Variants in LUC7L2 observed in about 807,000 individuals in gnomAD.
LUC7L2 encodes putative RNA-binding protein Luc7-like 2.
A neutral mutation model predicts 52.8 loss-of-function variants in LUC7L2; 25 were observed. The ratio of observed to expected loss-of-function variants is 0.47; its 90% CI spans 0.34 to 0.66. LUC7L2 has a LOEUF of 0.66. Ranked by LOEUF, LUC7L2 falls within the 30% of genes least tolerant of loss-of-function variation. The probability of loss-of-function intolerance (pLI) is 0.01; values close to 1 mark genes in which losing one functional copy is unlikely to be tolerated. For synonymous variants in LUC7L2, 144 were observed against 160.9 expected (o/e 0.89, Z 0.80); for missense variants, 328 against 497.8 (o/e 0.66, Z 3.25).
At chr7:139,344,198 A>T (rs1463422794) in intron 1 of LUC7L2, among the ~76,000 whole-genome samples, 2 of 152,174 alleles carry the variant, frequency 1.3e-5, no homozygotes, top group African/African-American at 2.4e-5. Flanking sequence ...TCTTAAAGTC[A>T]TGAGTCCAGA....
At chr7:139,341,239 C>A in intron 1 of LUC7L2, 1 of 1,386,212 alleles carries the variant, frequency 7.2e-7, no homozygotes, top group Non-Finnish European at 9.6e-7. Flanking sequence ...GTTCGGTCAA[C>A]GGACAAGTGA....
At chr7:139,414,487 G>C (rs1431884385) in intron 8 of LUC7L2, among the ~76,000 whole-genome samples, 1 of 152,252 alleles carries the variant, frequency 6.6e-6, no homozygotes, top group Non-Finnish European at 1.5e-5. Flanking sequence ...GACAAGCTTG[G>C]CATAGCCCAA....
rs79332087 is a variant in LUC7L2, at chr7:139,419,891, A to C, written c.1001+2162A>C. 6.1e-3 allele frequency among the ~76,000 whole-genome samples: 924 copies of C among 152,336 alleles called. 12 individuals are homozygous for C. The highest frequency in any genetic ancestry group is 0.021 in the African/African-American group (872 of 41,570). ...TTTAAAGCATCATTCTTTGTTTTATACTAAAAATTACCAGATAATTGCTGT... is the reference window on the plus strand; with the variant it reads ...TTTAAAGCATCATTCTTTGTTTTATCCTAAAAATTACCAGATAATTGCTGT... On this transcript the variant is annotated intron_variant, in intron 9 of 9. Transcript: ENST00000354926.
chr7:139,360,195 T>C lies in LUC7L2; in HGVS notation c.-67T>C. 1.6e-6 allele frequency: 2 copies of C among 1,282,522 alleles called. No individual in the cohort carries two copies. Among genetic ancestry groups the C allele is most frequent in the South Asian group, 2.6e-5 (2 of 77,684 alleles). 79.4% of individuals were successfully genotyped at this position (1,282,522 alleles called of 1,614,324 possible). Reference sequence around the variant, plus strand: ...CGCACCTTCCCCCATCCCTTCCCCTTATCCCCCAGCCCAAAAGGGCCCGGT... The same window carrying C: ...CGCACCTTCCCCCATCCCTTCCCCTCATCCCCCAGCCCAAAAGGGCCCGGT... On this transcript the variant is annotated 5_prime_UTR_variant, in exon 1 of 10. Coordinates refer to ENST00000354926, the MANE Select transcript of LUC7L2 (RefSeq NM_016019.5).
In LUC7L2 at chr7:139,417,605, C is replaced by T. The variant is rs1795680082; in HGVS notation, c.877C>T (p.Arg293Ter). ...GTCACGTGAACGCAAGAGGAGAACT[C>T]GATCCAAATCTCGGGAGAAACGCCA... Reference protein sequence around the residue: ...SMSRERKRRTRSKSREKRHRH... With the variant: ...SMSRERKRRT Residue 293 changes from arginine (R) to a stop codon, truncating the protein, a stop_gained, in exon 9 of 10, where the codon CGA becomes TGA. Coordinates refer to ENST00000354926, the MANE Select transcript of LUC7L2 (RefSeq NM_016019.5). LOFTEE classifies it high-confidence loss of function. The T allele has an allele frequency of 1.9e-6, 3 of 1,614,098 alleles. No individual in the cohort carries two copies. The highest frequency in any genetic ancestry group is 2.5e-6 in the Non-Finnish European group (3 of 1,180,028).
chr7:139,365,311 C>T (rs1330118438), intron 1 of LUC7L2, among the ~76,000 whole-genome samples: 2 of 152,166 alleles, frequency 1.3e-5, no homozygotes, highest in Non-Finnish European at 1.5e-5. Context: ...GCTTCTGAGA[C>T]ATTCTTTTAC....
chr7:139,396,927 T>G (rs1794687350), intron 2 of LUC7L2, among the ~76,000 whole-genome samples: 1 of 152,252 alleles, frequency 6.6e-6, no homozygotes, highest in East Asian at 1.9e-4. Context: ...TTATTTCTTT[T>G]AAATTTTATC....
chr7:139,356,076 G>A (rs1350610215), upstream of LUC7L2, among the ~76,000 whole-genome samples: 2 of 152,184 alleles, frequency 1.3e-5, no homozygotes, highest in Non-Finnish European at 2.9e-5. Context: ...GGAGGCTGAG[G>A]TGGGCAGATT....
intron 2 of LUC7L2, among the ~76,000 whole-genome samples, chr7:139,394,097 G>T (rs1255913951): frequency 6.6e-6 from 1 of 152,012 alleles, no homozygotes; most frequent in East Asian, 1.9e-4. Context: ...AAACACTTAA[G>T]AAGGTAAGGA....
intron 1 of LUC7L2, chr7:139,341,537 T>A: frequency 6.2e-7 from 1 of 1,607,404 alleles, no homozygotes; most frequent in Non-Finnish European, 8.5e-7. Flanking sequence ...GGGAGCCATG[T>A]CCCGGGTGCT....
At chr7:139,382,486 G>A (rs1022734448) in intron 2 of LUC7L2, among the ~76,000 whole-genome samples, 1 of 151,870 alleles carries the variant, frequency 6.6e-6, no homozygotes, top group South Asian at 2.1e-4. Flanking sequence ...GAGTTCGAGT[G>A]ATTTTCCTGC....
intron 1 of LUC7L2, chr7:139,341,581 G>C (rs1243490221): frequency 6.3e-7 from 1 of 1,581,842 alleles, no homozygotes; most frequent in East Asian, 2.3e-5. Context: ...AGCCGGGTCT[G>C]GGCTAGGGTG....
chr7:139,417,778 GTTGT>G (rs780509020), intron 9 of LUC7L2, 49 bp downstream of exon 9: 8 of 1,567,248 alleles, frequency 5.1e-6, no homozygotes, highest in Non-Finnish European at 6.1e-6. Flanking sequence ...ATGTTTTAGA[GTTGT>G]TTATGTTTAC....
At chr7:139,382,941 T>A (rs1444180110) in intron 2 of LUC7L2, among the ~76,000 whole-genome samples, 1 of 152,008 alleles carries the variant, frequency 6.6e-6, no homozygotes, top group African/African-American at 2.4e-5. Flanking sequence ...TATCTTTTTT[T>A]TTTTGGAGGA....
chr7:139,364,556 A>G (rs1800050299), intron 1 of LUC7L2, among the ~76,000 whole-genome samples: 1 of 152,234 alleles, frequency 6.6e-6, no homozygotes, highest in Admixed American at 6.5e-5. Flanking sequence ...TATTAATCAT[A>G]ATATTTTTGC....
chr7:139,396,757 C>T (rs1174167631), intron 2 of LUC7L2, among the ~76,000 whole-genome samples: 1 of 152,090 alleles, frequency 6.6e-6, no homozygotes, highest in East Asian at 1.9e-4. Context: ...TATACTGTGT[C>T]CTCTTTGAGT....
At chr7:139,389,691 A>T (rs1794346178) in intron 2 of LUC7L2, among the ~76,000 whole-genome samples, 1 of 152,204 alleles carries the variant, frequency 6.6e-6, no homozygotes, top group African/African-American at 2.4e-5. Flanking sequence ...GCTGTAATAT[A>T]ATATTATATC....
intron 1 of LUC7L2, chr7:139,371,538 G>A: frequency 7.7e-7 from 1 of 1,296,778 alleles, no homozygotes; most frequent in Non-Finnish European, 1.1e-6. Context: ...GTTTGTATGG[G>A]AGGGAGAGGG....
At position 139,371,223 on chromosome 7, in the gene LUC7L2, G is replaced by A. The variant is rs1199607541; in HGVS notation, c.62-4839G>A. Among the ~76,000 whole-genome samples the A allele has an allele frequency of 2.0e-5, 3 of 152,164 alleles. No homozygotes were observed. The East Asian group carries it at 5.8e-4, about 29-fold the overall frequency. On this transcript the variant is annotated intron_variant, in intron 1 of 9. Transcript: ENST00000354926. ...TTGTTTTCCCTAAGCTAAGCTCTAAGCTAATTCTGTACAAAATACTGATTG... is the reference window on the plus strand; with the variant it reads ...TTGTTTTCCCTAAGCTAAGCTCTAAACTAATTCTGTACAAAATACTGATTG...
Sources: allele counts gnomAD v4.1 joint callset (sites outside exome capture counted in the v4.1 genomes callset), GRCh38; gene constraint gnomAD v4.1.1; transcripts MANE v1.5; gene names NCBI Gene and HGNC (gene_info 2026-07-23, HGNC 2026-07-21).